NUP214: variants seen among roughly 807,000 people sequenced by gnomAD.
NUP214 encodes nuclear pore complex protein Nup214.
Under a neutral mutation model 196.2 loss-of-function variants are expected in NUP214, and 79 were observed. That is an observed-to-expected ratio of 0.40 (90% confidence interval 0.34 to 0.49). The LOEUF (loss-of-function observed/expected upper bound fraction) is 0.49. NUP214 is among the 20% of genes least tolerant of loss of function. The pLI is 0.58. For missense variants in NUP214, 2,468 were observed against 2,539.0 expected (o/e 0.97, Z 0.60); for synonymous variants, 1,020 against 990.5 (o/e 1.03, Z -0.56).
intron 24 of NUP214, 120 bp from the exon 25 acceptor site, chr9:131,187,159 TTGGGGTCCCA>T: frequency 1.4e-6 from 1 of 702,456 alleles, no homozygotes; most frequent in Non-Finnish European, 2.5e-6. Flanking sequence ...ATCAGTTGTA[TTGGGGTCCCA>T]TGCATCTGTA....
chr9:131,163,776 G>A lies in NUP214; in HGVS notation c.2724-94G>A, dbSNP rs537846173. On this transcript the variant is annotated intron_variant, in intron 19 of 35. Coordinates refer to ENST00000359428, the MANE Select transcript of NUP214 (RefSeq NM_005085.4). ...GTTTATATATTGGGGATATTCTCAT[G>A]TCTTGCATTTATATTTAAGAGGATA... is the stretch of plus-strand genomic sequence containing the variant. The A allele has an allele frequency of 2.3e-5, 19 of 831,208 alleles. No homozygotes were observed. In the South Asian group the frequency reaches 3.0e-4, roughly 13 times the overall value. The allele number at this position is 831,208 out of a possible 1,614,324, so 51.5% of individuals were successfully genotyped here. A position where few individuals can be genotyped will look rare whatever the true frequency, so the allele number is the denominator to read the frequency against.
chr9:131,137,248 A>G (rs1409449442), intron 9 of NUP214, among the ~76,000 whole-genome samples: 1 of 152,238 alleles, frequency 6.6e-6, no homozygotes. Flanking sequence ...ATAGTAGAGA[A>G]GGGCTTATAA....
intron 22 of NUP214, 30 bp downstream of exon 22, chr9:131,174,348 T>C (rs1334367894): frequency 3.1e-6 from 5 of 1,599,396 alleles, no homozygotes; most frequent in Middle Eastern, 1.7e-4. Context: ...GGAAACTGTT[T>C]TTCCCTATGA....
rs371756551 is a variant in NUP214, at chr9:131,163,812, G to A, written c.2724-58G>A. 9.4e-5 allele frequency: 122 copies of A among 1,301,736 alleles called. 1 individual carries two copies. The African/African-American group carries it at 1.5e-3, about 17-fold the overall frequency. 80.6% of individuals were successfully genotyped at this position (1,301,736 alleles called of 1,614,324 possible). Reference sequence around the variant, plus strand: ...ATATTTAAGAGGATAGTGTACCCCCGACAGCCTCCGATCTTTCAGCTCCTA... The same window carrying A: ...ATATTTAAGAGGATAGTGTACCCCCAACAGCCTCCGATCTTTCAGCTCCTA... On this transcript the variant is annotated intron_variant, in intron 19 of 35. Coordinates refer to ENST00000359428, the MANE Select transcript of NUP214 (RefSeq NM_005085.4).
At chr9:131,175,362 A>G (rs888759345) in intron 22 of NUP214, 98 bp from the exon 23 acceptor site, 8 of 1,378,058 alleles carry the variant, frequency 5.8e-6, no homozygotes, top group South Asian at 1.4e-5. Flanking sequence ...TAATTTTAGC[A>G]TTTTCCCTGC....
chr9:131,223,820 T>C (rs1279751139), intron 32 of NUP214, among the ~76,000 whole-genome samples: 15 of 143,968 alleles, frequency 1.0e-4, no homozygotes, highest in African/African-American at 3.1e-4. Context: ...CTGCAAGCTC[T>C]GCCTCCTGGG....
chr9:131,203,270 A>T (rs1204321181), intron 30 of NUP214, among the ~76,000 whole-genome samples: 1 of 152,112 alleles, frequency 6.6e-6, no homozygotes, highest in Non-Finnish European at 1.5e-5. Context: ...ATACAAATTA[A>T]CTCATGTAAG....
At chr9:131,159,633 G>A (rs1020960086) in intron 18 of NUP214, 147 bp downstream of exon 18, 19 of 679,828 alleles carry the variant, frequency 2.8e-5, no homozygotes, top group Admixed American at 1.3e-4. Context: ...CGAGGCGAGT[G>A]GATCACCTGA....
chr9:131,199,055 GCTATTTGAAACATTAGCAACAGACCC>G (rs760746912), intron 29 of NUP214, 40 bp downstream of exon 29: 9 of 1,537,370 alleles, frequency 5.9e-6, no homozygotes, highest in Non-Finnish European at 1.7e-6. Flanking sequence ...TTCCCTCTCT[GCTATTTGAAACATTAGCAACAGACCC>G]CTATTACTTT....
Position 131,164,090 on chromosome 9 carries a change from C to A in NUP214, c.2839C>A (p.Leu947Met), listed in dbSNP as rs1254737495. 1.2e-6 allele frequency: 2 copies of A among 1,614,130 alleles called. No individual in the cohort carries two copies. The highest frequency in any genetic ancestry group is 1.7e-6 in the Non-Finnish European group (2 of 1,180,026). ...ACTGTCCCCCATGAAACAGGCACAA[C>A]TGAGAAACTTCTTGGCCAAGAGGAA... ...AKLSPMKQAQLRNFLAKRKTP... is the reference protein window; with the variant it reads ...AKLSPMKQAQMRNFLAKRKTP... Residue 947 changes from leucine (L) to methionine (M), a missense_variant, in exon 21 of 36, where the codon CTG becomes ATG. Leu to Met is a conservative substitution (Grantham distance 15). Coordinates refer to ENST00000359428, the MANE Select transcript of NUP214 (RefSeq NM_005085.4).
intron 21 of NUP214, among the ~76,000 whole-genome samples, chr9:131,168,774 T>C (rs1832860119): frequency 6.6e-6 from 1 of 152,218 alleles, no homozygotes; most frequent in Non-Finnish European, 1.5e-5. Flanking sequence ...GTATGGCTCA[T>C]GTGTCATTTT....
chr9:131,131,236 C>CACAGTTAAAAG (rs1326774782), intron 5 of NUP214, among the ~76,000 whole-genome samples: 1 of 152,192 alleles, frequency 6.6e-6, no homozygotes, highest in Non-Finnish European at 1.5e-5. Flanking sequence ...TGGGTTAAAG[C>CACAGTTAAAAG]ACAGTATTTG....
In NUP214 at chr9:131,215,335, G is replaced by A. The variant is rs1294785247; in HGVS notation, c.5716G>A (p.Ala1906Thr). The part of the protein sequence containing the change: ...DAANKNPFSS[A>T]SGGFGSTATS... ...AGCCAACAAAAACCCATTCAGCTCG[G>A]CCAGTGGGGGCTTTGGATCCACAGC... The change falls in exon 31 of 36, where the codon GCC becomes ACC. Residue 1906 changes from alanine (A) to threonine (T), a missense_variant. By Grantham distance (58) the Ala-to-Thr change is moderately conservative. Transcript: ENST00000359428. The A allele has an allele frequency of 3.7e-6, 6 of 1,601,886 alleles. No individual in the cohort carries two copies. Among genetic ancestry groups the A allele is most frequent in the Non-Finnish European group, 5.1e-6 (6 of 1,174,286 alleles).
chr9:131,203,144 G>A (rs1468350668), intron 30 of NUP214, among the ~76,000 whole-genome samples: 7 of 151,278 alleles, frequency 4.6e-5, no homozygotes, highest in Non-Finnish European at 7.4e-5. Context: ...ACGGGGTTTC[G>A]CTGTGTTAGC....
chr9:131,196,211 T>G (rs1233256125), intron 28 of NUP214, among the ~76,000 whole-genome samples: 1 of 151,974 alleles, frequency 6.6e-6, no homozygotes, highest in African/African-American at 2.4e-5. Context: ...CAGGCTGGAG[T>G]GTAATGGCGC....
chr9:131,170,378 T>C (rs773523138), intron 21 of NUP214, among the ~76,000 whole-genome samples: 42 of 152,218 alleles, frequency 2.8e-4, no homozygotes, highest in African/African-American at 9.1e-4. Flanking sequence ...GAGATTTTGA[T>C]TGGAATTGTA....
intron 22 of NUP214, 93 bp downstream of exon 22, chr9:131,174,411 A>C: frequency 2.7e-6 from 2 of 733,634 alleles, no homozygotes; most frequent in Non-Finnish European, 4.2e-6. Flanking sequence ...TCACACCAAT[A>C]TGGTGGTTGG....
chr9:131,225,634 T>C (rs991895910), intron 32 of NUP214, among the ~76,000 whole-genome samples: 1 of 152,148 alleles, frequency 6.6e-6, no homozygotes, highest in African/African-American at 2.4e-5. Context: ...CCCCCTCATG[T>C]TTCAGGACTT....
At chr9:131,143,638 C>G (rs984968112) in intron 11 of NUP214, among the ~76,000 whole-genome samples, 1 of 151,358 alleles carries the variant, frequency 6.6e-6, no homozygotes, top group Non-Finnish European at 1.5e-5. Flanking sequence ...GAGTTAGTTT[C>G]CCTGTTTATT....
Sources: gnomAD v4.1 joint callset for allele counts (sites outside exome capture counted in the v4.1 genomes callset) on GRCh38, gnomAD v4.1.1 for gene constraint, MANE v1.5 for transcripts, NCBI Gene and HGNC (gene_info 2026-07-23, HGNC 2026-07-21) for gene names.